The following ZNF25 variants were observed in gnomAD, a reference collection of about 807,000 sequenced individuals.
The protein encoded by ZNF25 is zinc finger protein 25.
ZNF25 carries 21 observed loss-of-function variants against 30.9 expected under a neutral mutation model. The observed-to-expected ratio is 0.68, with a 90% CI of 0.48 to 0.98. ZNF25 has a LOEUF of 0.98. Among genes scored for constraint, ZNF25 ranks in the 50% least tolerant of loss-of-function variants. The pLI is 0.00. For missense variants in ZNF25, 501 were observed against 529.9 expected (o/e 0.95, Z 0.54); for synonymous variants, 169 against 181.3 (o/e 0.93, Z 0.55).
intron 2 of ZNF25, among the ~76,000 whole-genome samples, chr10:37,961,252 T>C (rs2062852377): frequency 1.3e-5 from 2 of 152,220 alleles, no homozygotes; most frequent in Admixed American, 6.5e-5. Flanking sequence ...ATTTTATTCG[T>C]TGAAATACAT....
rs1320172314 is a variant in ZNF25, at chr10:37,951,029, T to C, written c.*1098A>G. On this transcript the variant is annotated 3_prime_UTR_variant, in exon 6 of 6. Coordinates refer to ENST00000302609, the MANE Select transcript of ZNF25 (RefSeq NM_145011.4). ...GCTGTTTAAAAACAGCTCAGGCTTT[T>C]GCTATATATAAATGTGTCCCTAATG... 6.6e-6 allele frequency: 1 copy of C among 152,216 alleles called. No homozygotes were observed. Among genetic ancestry groups the C allele is most frequent in the African/African-American group, 2.4e-5 (1 of 41,452 alleles). The allele number at this position is 152,216 out of a possible 1,614,324, so 9.4% of individuals were successfully genotyped here. A position where few individuals can be genotyped will look rare whatever the true frequency, so the allele number is the denominator to read the frequency against.
chr10:37,970,909 T>C lies in ZNF25; in HGVS notation c.15+799A>G, dbSNP rs571371313. Among the ~76,000 whole-genome samples, 231 of 152,326 alleles carry C rather than the reference T, an allele frequency of 1.5e-3. 1 individual carries two copies. Among genetic ancestry groups the C allele is most frequent in the African/African-American group, 5.4e-3 (226 of 41,582 alleles). ...TTGTCCTAATCAACCTATAACTCATTCCTCACTTCTCTGTATCACTTTGTC... is the reference window on the plus strand; with the variant it reads ...TTGTCCTAATCAACCTATAACTCATCCCTCACTTCTCTGTATCACTTTGTC... On this transcript the variant is annotated intron_variant, in intron 2 of 5. Transcript: ENST00000302609.
intron 2 of ZNF25, among the ~76,000 whole-genome samples, chr10:37,962,241 CAA>C (rs34341090): frequency 1.9e-4 from 16 of 86,404 alleles, no homozygotes; most frequent in Admixed American, 5.3e-4. Context: ...ACTTCCATCT[CAA>C]AAAAAAAAAA....
intron 2 of ZNF25, among the ~76,000 whole-genome samples, chr10:37,963,170 G>A (rs889847414): frequency 4.0e-5 from 6 of 151,040 alleles, no homozygotes; most frequent in East Asian, 3.9e-4. Context: ...AGGCTGGAGC[G>A]TAACTGTGCA....
At position 37,952,443 on chromosome 10, in the gene ZNF25, T is replaced by TA; in HGVS notation, c.1054dup (p.Tyr352LeufsTer3). On this transcript the variant is annotated frameshift_variant, in exon 6 of 6. Transcript: ENST00000302609. LOFTEE classifies it high-confidence loss of function. ...ATGTTTAGTGAGGTCTGATTTATAG[T>TA]AAAATGTTTTCCCACATTTATTACA... 1 of 1,613,806 alleles carries TA rather than the reference T, an allele frequency of 6.2e-7. No individual in the cohort carries two copies. Among genetic ancestry groups the TA allele is most frequent in the Non-Finnish European group, 8.5e-7 (1 of 1,179,882 alleles).
At chr10:37,962,224 G>C (rs932275379) in intron 2 of ZNF25, among the ~76,000 whole-genome samples, 1 of 148,176 alleles carries the variant, frequency 6.7e-6, no homozygotes, top group Non-Finnish European at 1.5e-5. Context: ...CTGGGCGAGA[G>C]AGCGAGACTT....
Position 37,952,335 on chromosome 10 carries a change from T to C in ZNF25, c.1163A>G (p.His388Arg), listed in dbSNP as rs1282368795. The change falls in exon 6 of 6, where the codon CAT becomes CGT. Residue 388 changes from histidine (H) to arginine (R), a missense_variant. Physicochemically the swap from His to Arg is conservative, Grantham distance 29. Coordinates refer to ENST00000302609, the MANE Select transcript of ZNF25 (RefSeq NM_145011.4). ...SFAVNSVLRL[H>R]QRTHTGEKPY... ...CTTCTCTCCTGTGTGAGTCCTTTGA[T>C]GTAATCTGAGGACTGAATTCACAGC... is the stretch of plus-strand genomic sequence containing the variant. 2 of 1,613,868 alleles carry C rather than the reference T, an allele frequency of 1.2e-6. No homozygotes were observed. The highest frequency in any genetic ancestry group is 8.5e-7 in the Non-Finnish European group (1 of 1,179,910).
chr10:37,952,783 A>T lies in ZNF25; in HGVS notation c.715T>A (p.Phe239Ile), dbSNP rs770646908. ...PFECTECGKF[F>I]YVKAYLMVHQ... ...ACCATGAGGTATGCCTTCACATAGA[A>T]GAACTTCCCACATTCAGTACATTCA... Residue 239 changes from phenylalanine to isoleucine, a missense_variant, in exon 6 of 6, where the codon TTC (phenylalanine) becomes ATC (isoleucine). Phe to Ile is a conservative substitution (Grantham distance 21). Coordinates refer to ENST00000302609, the MANE Select transcript of ZNF25 (RefSeq NM_145011.4). The T allele has an allele frequency of 6.2e-7, 1 of 1,613,960 alleles. No homozygotes were observed. Among genetic ancestry groups the T allele is most frequent in the African/African-American group, 1.3e-5 (1 of 74,948 alleles).
chr10:37,957,701 G>T (rs1322296045), intron 2 of ZNF25, among the ~76,000 whole-genome samples, 155 bp from the exon 3 acceptor site: 1 of 152,082 alleles, frequency 6.6e-6, no homozygotes, highest in South Asian at 2.1e-4. Context: ...TTCATAGAAG[G>T]AATATTTGTT....
rs2062223042 is a variant in ZNF25, at chr10:37,952,596, A to C, written c.902T>G (p.Leu301Arg). Residue 301 changes from leucine (L) to arginine (R), a missense_variant, in exon 6 of 6, where the codon CTC becomes CGC. By Grantham distance (102) the Leu-to-Arg change is moderately radical. Coordinates refer to ENST00000302609, the MANE Select transcript of ZNF25 (RefSeq NM_145011.4). ...TGTGTGACTTCTCTGATGAGTTTTG[A>C]GGTGTGAATTCCTAGAGAAGAATTT... ...CGKFFSRNSH[L>R]KTHQRSHTGE... 6.2e-7 allele frequency: 1 copy of C among 1,613,526 alleles called. No homozygotes were observed. Among genetic ancestry groups the C allele is most frequent in the Admixed American group, 1.7e-5 (1 of 59,948 alleles).
Position 37,952,818 on chromosome 10 carries a change from T to C in ZNF25, c.680A>G (p.Glu227Gly), listed in dbSNP as rs1164168022. Residue 227 changes from glutamate (E) to glycine (G), a missense_variant, in exon 6 of 6, where the codon GAG becomes GGG. Physicochemically the swap from Glu to Gly is moderately conservative, Grantham distance 98. Transcript: ENST00000302609. ...ACATTCAGTACATTCAAAAGGTTTC[T>C]CCCCTGTGTGTGTTTTCTGATGTTC... ...LTEHQKTHTG[E>G]KPFECTECGK... 6.2e-7 allele frequency: 1 copy of C among 1,614,182 alleles called. No homozygotes were observed. Among genetic ancestry groups the C allele is most frequent in the East Asian group, 2.2e-5 (1 of 44,878 alleles).
Position 37,952,794 on chromosome 10 carries a change from C to T in ZNF25, c.704G>A (p.Cys235Tyr). ...TGCCTTCACATAGAAGAACTTCCCACATTCAGTACATTCAAAAGGTTTCTC... is the reference window on the plus strand; with the variant it reads ...TGCCTTCACATAGAAGAACTTCCCATATTCAGTACATTCAAAAGGTTTCTC... ...TGEKPFECTE[C>Y]GKFFYVKAYL... The change falls in exon 6 of 6, where the codon TGT becomes TAT. Residue 235 changes from cysteine to tyrosine, a missense_variant. Coordinates refer to ENST00000302609, the MANE Select transcript of ZNF25 (RefSeq NM_145011.4). 1 of 1,614,104 alleles carries T rather than the reference C, an allele frequency of 6.2e-7. No homozygotes were observed. Among genetic ancestry groups the T allele is most frequent in the Admixed American group, 1.7e-5 (1 of 60,028 alleles).
chr10:37,971,416 T>A (rs962773057), intron 2 of ZNF25, among the ~76,000 whole-genome samples: 3 of 152,036 alleles, frequency 2.0e-5, no homozygotes, highest in Non-Finnish European at 4.4e-5. Context: ...ATGCCACCAG[T>A]GCAAGTATCA....
At chr10:37,965,089 C>A (rs2063107891) in intron 2 of ZNF25, among the ~76,000 whole-genome samples, 1 of 152,144 alleles carries the variant, frequency 6.6e-6, no homozygotes, top group South Asian at 2.1e-4. Flanking sequence ...TGGTTTCTAT[C>A]TAGTGTTAAG....
At position 37,967,214 on chromosome 10, in the gene ZNF25, C is replaced by T. The variant is rs140549630; in HGVS notation, c.15+4494G>A. 2.8e-3 allele frequency among the ~76,000 whole-genome samples: 431 copies of T among 152,230 alleles called. 4 individuals are homozygous for T. Among genetic ancestry groups the T allele is most frequent in the African/African-American group, 9.5e-3 (396 of 41,530 alleles). ...GGAAAAGATTATCCTCCAATTCATA[C>T]GGAATTGCAAGGGGTCCCCAGTAGC... is the stretch of plus-strand genomic sequence containing the variant. On this transcript the variant is annotated intron_variant, in intron 2 of 5. Coordinates refer to ENST00000302609, the MANE Select transcript of ZNF25 (RefSeq NM_145011.4).
chr10:37,953,024 AT>A lies in ZNF25; in HGVS notation c.473del (p.Asn158MetfsTer5). 1 of 1,613,858 alleles carries A rather than the reference AT, an allele frequency of 6.2e-7. No individual in the cohort carries two copies. The highest frequency in any genetic ancestry group is 8.5e-7 in the Non-Finnish European group (1 of 1,179,956). ...TTTTCTGATGTCTTATGAGGTCTTC[AT>A]TTTTAGAGAAAGATTTCCCACATTT... ...CDKCGKSFSKNEDLIRHQKIH... is the reference protein window; with the variant it reads ...CDKCGKSFSKXEDLIRHQKIH... On this transcript the variant is annotated frameshift_variant, in exon 6 of 6. Transcript: ENST00000302609. LOFTEE classifies it high-confidence loss of function.
In ZNF25 at chr10:37,953,201, C is replaced by T. The variant is rs111575129; in HGVS notation, c.303-6G>A. ...GTTTTGTGAGTTCTCCATTCCTAGA[C>T]AGAAAGTTCCACATTCATTAATGTG... On this transcript the variant is annotated splice_polypyrimidine_tract_variant and splice_region_variant and intron_variant, in intron 5 of 5. Transcript: ENST00000302609. The T allele has an allele frequency of 1.9e-5, 30 of 1,565,662 alleles. No homozygotes were observed. In the African/African-American group the frequency reaches 2.9e-4, roughly 15 times the overall value.
chr10:37,975,292 G>A (rs150707853), intron 1 of ZNF25, among the ~76,000 whole-genome samples: 7 of 152,126 alleles, frequency 4.6e-5, no homozygotes, highest in Non-Finnish European at 8.8e-5. Context: ...GATAAATGAG[G>A]CGGTGGATAT....
intron 2 of ZNF25, among the ~76,000 whole-genome samples, chr10:37,968,642 A>T (rs2063320516): frequency 6.6e-6 from 1 of 152,218 alleles, no homozygotes; most frequent in Non-Finnish European, 1.5e-5. Flanking sequence ...GGCATGAGCC[A>T]CTATGCCTGG....
Sources: gnomAD v4.1 joint callset for allele counts (sites outside exome capture counted in the v4.1 genomes callset) on GRCh38, gnomAD v4.1.1 for gene constraint, MANE v1.5 for transcripts, NCBI Gene and HGNC (gene_info 2026-07-23, HGNC 2026-07-21) for gene names.